MISP: variants seen among roughly 807,000 people sequenced by gnomAD.
MISP encodes mitotic spindle positioning, also known as mitotic interactor and substrate of PLK1.
In MISP, 51 loss-of-function variants were observed where a neutral mutation model predicts 49.3. The observed-to-expected ratio is 1.03, with a 90% CI of 0.83 to 1.31. The LOEUF (loss-of-function observed/expected upper bound fraction) is 1.31. Ranked by LOEUF, MISP falls within the 50% of genes most tolerant of loss-of-function variation. The pLI, the probability that MISP is intolerant of heterozygous loss-of-function variation, is 0.00. For synonymous variants in MISP, 444 were observed against 392.6 expected, an observed-to-expected ratio of 1.13 and a Z score of -1.55; for missense variants, 1,084 against 935.1, an observed-to-expected ratio of 1.16 and a Z score of -2.08.
upstream of MISP, among the ~76,000 whole-genome samples, chr19:750,884 C>A (rs2033450120): frequency 6.6e-6 from 1 of 152,190 alleles, no homozygotes; most frequent in Admixed American, 6.5e-5. Context: ...GAGGTTTCGG[C>A]TGAGTTCTGG....
In MISP at chr19:757,582, T is replaced by A; in HGVS notation, c.636T>A (p.His212Gln). 6.2e-7 allele frequency: 1 copy of A among 1,612,684 alleles called. No individual in the cohort carries two copies. The highest frequency in any genetic ancestry group is 8.5e-7 in the Non-Finnish European group (1 of 1,179,624). The stretch of plus-strand genomic sequence containing the variant: ...AGCAGGCGAACAAGGGGGCCCCTCA[T>A]AGCTCCCCGGCCAGGGGGACCCCTG... ...SLEQANKGAPHSSPARGTPAG... is the reference protein window; with the variant it reads ...SLEQANKGAPQSSPARGTPAG... Residue 212 changes from histidine (H) to glutamine (Q), a missense_variant, in exon 2 of 5, where the codon CAT (histidine) becomes CAA (glutamine). By Grantham distance (24) the His-to-Gln change is conservative. Coordinates refer to ENST00000215582, the MANE Select transcript of MISP (RefSeq NM_173481.4).
At chr19:759,787 C>A in intron 2 of MISP, 122 bp from the exon 3 acceptor site, 1 of 1,147,614 alleles carries the variant, frequency 8.7e-7, no homozygotes, top group Non-Finnish European at 1.2e-6. Context: ...GTCAGTTTCC[C>A]GGATAGTCAT....
chr19:756,882 TC>T lies in MISP; in HGVS notation c.-57-5del. The T allele has an allele frequency of 7.4e-7, 1 of 1,354,862 alleles. No individual in the cohort carries two copies. The highest frequency in any genetic ancestry group is 9.9e-7 in the Non-Finnish European group (1 of 1,010,116). 83.9% of individuals were successfully genotyped at this position (1,354,862 alleles called of 1,614,324 possible). A position where few individuals can be genotyped will look rare whatever the true frequency, so the allele number is the denominator to read the frequency against. On this transcript the variant is annotated splice_region_variant and splice_polypyrimidine_tract_variant and intron_variant, in intron 1 of 4. Coordinates refer to ENST00000215582, the MANE Select transcript of MISP (RefSeq NM_173481.4). The stretch of plus-strand genomic sequence containing the variant: ...CTTGATGGCCCTCATTTCCTTCTCC[TC>T]CCTCAGTAAGCCCAGAGGTCTCCAC...
At position 757,840 on chromosome 19, in the gene MISP, T is replaced by A. The variant is rs1202703430; in HGVS notation, c.894T>A (p.Arg298=). 1 of 1,611,374 alleles carries A rather than the reference T, an allele frequency of 6.2e-7. No homozygotes were observed. Among genetic ancestry groups the A allele is most frequent in the African/African-American group, 1.3e-5 (1 of 74,788 alleles). The change falls in exon 2 of 5, where the codon CGT becomes CGA. Residue 298 remains arginine (R), a synonymous_variant. Coordinates refer to ENST00000215582, the MANE Select transcript of MISP (RefSeq NM_173481.4). ...PKETPIEREI[R]LAQEREADLR... ...AGACGCCCATCGAGCGGGAGATCCG[T>A]CTGGCTCAGGAGCGTGAGGCAGACC...
rs375797268 is a variant in MISP at position 760,162 on chromosome 19, C to T, written c.1911+123C>T. On this transcript the variant is annotated intron_variant, in intron 3 of 4. Transcript: ENST00000215582. ...TTCAAGCACTACCCCCACCCCTGGC[C>T]GTGCCTCAGTCTCCTGCAGATGTCA... 94 of 1,104,996 alleles carry T rather than the reference C, an allele frequency of 8.5e-5. 3 individuals carry two copies. In the East Asian group the frequency reaches 8.9e-4, roughly 10 times the overall value. 68.4% of individuals were successfully genotyped at this position (1,104,996 alleles called of 1,614,324 possible).
chr19:749,453 C>T (rs974623481), upstream of MISP, among the ~76,000 whole-genome samples: 16 of 152,226 alleles, frequency 1.1e-4, no homozygotes, highest in African/African-American at 2.7e-4. Context: ...GCCGTGAGGC[C>T]GCGCACCCTG....
intron 1 of MISP, among the ~76,000 whole-genome samples, chr19:755,399 G>T (rs2033534744): frequency 6.6e-6 from 1 of 152,210 alleles, no homozygotes; most frequent in Admixed American, 6.5e-5. Flanking sequence ...GATGGGACGA[G>T]GTGTCCAGCT....
upstream of MISP, among the ~76,000 whole-genome samples, chr19:750,047 C>T (rs1037162495): frequency 6.6e-6 from 1 of 152,112 alleles, no homozygotes; most frequent in East Asian, 1.9e-4. Flanking sequence ...GGCCCGACTT[C>T]CCCACAGATG....
chr19:761,803 G>A, intron 4 of MISP, 140 bp downstream of exon 4: 1 of 912,712 alleles, frequency 1.1e-6, no homozygotes, highest in South Asian at 1.5e-5. Flanking sequence ...GTCTGCTCAG[G>A]GTGGATTTTG....
At position 759,912 on chromosome 19, in the gene MISP, T is replaced by C; in HGVS notation, c.1784T>C (p.Ile595Thr). 1 of 1,614,020 alleles carries C rather than the reference T, an allele frequency of 6.2e-7. No individual in the cohort carries two copies. Among genetic ancestry groups the C allele is most frequent in the South Asian group, 1.1e-5 (1 of 91,084 alleles). ...TGCCCTCCCTGCTCCCCTACAGGCA[T>C]CACGGGCAGTTACTCGGTGTCTGAG... ...NSRSSSQASG[I>T]TGSYSVSESP... Residue 595 changes from isoleucine (I) to threonine (T), a missense_variant, in exon 3 of 5, where the codon ATC (isoleucine) becomes ACC (threonine). Coordinates refer to ENST00000215582, the MANE Select transcript of MISP (RefSeq NM_173481.4).
At chr19:750,496 G>A (rs954332535), upstream of MISP, among the ~76,000 whole-genome samples, 5 of 152,162 alleles carry the variant, frequency 3.3e-5, no homozygotes, top group Non-Finnish European at 4.4e-5. Flanking sequence ...CACCAAGTCC[G>A]GCCCCCTCGT....
In MISP at chr19:758,114, C is replaced by G; in HGVS notation, c.1168C>G (p.Arg390Gly). Residue 390 changes from arginine (R) to glycine (G), a missense_variant, in exon 2 of 5, where the codon CGG (arginine) becomes GGG (glycine). Arg to Gly is a moderately radical substitution (Grantham distance 125). Coordinates refer to ENST00000215582, the MANE Select transcript of MISP (RefSeq NM_173481.4). ...WVSEGPQPGL[R>G]RALSSDSILS... Reference sequence around the variant, plus strand: ...CTCGGAGGGTCCCCAGCCCGGACTCCGGAGAGCCCTCAGCTCAGATTCCAT... The same window carrying G: ...CTCGGAGGGTCCCCAGCCCGGACTCGGGAGAGCCCTCAGCTCAGATTCCAT... 5 of 1,603,100 alleles carry G rather than the reference C, an allele frequency of 3.1e-6. No individual in the cohort carries two copies. In the South Asian group the frequency reaches 3.3e-5, roughly 11 times the overall value.
chr19:750,425 C>T (rs1171128180), upstream of MISP, among the ~76,000 whole-genome samples: 2 of 152,142 alleles, frequency 1.3e-5, no homozygotes, highest in South Asian at 2.1e-4. Flanking sequence ...GTCTCGAACT[C>T]CTGGCCTCAA....
chr19:757,632 A>G lies in MISP; in HGVS notation c.686A>G (p.Gln229Arg). ...GCAGGCACAACCCCAGGGGCCAGCC[A>G]GGCCCCCAAGGCCTTCAACAAGCCC... ...TPAGTTPGAS[Q>R]APKAFNKPHL... Residue 229 changes from glutamine to arginine, a missense_variant, in exon 2 of 5, where the codon CAG becomes CGG. Gln to Arg is a conservative substitution (Grantham distance 43). Transcript: ENST00000215582. 1 of 1,612,534 alleles carries G rather than the reference A, an allele frequency of 6.2e-7. No homozygotes were observed. Among genetic ancestry groups the G allele is most frequent in the East Asian group, 2.2e-5 (1 of 44,848 alleles).
At chr19:751,497 T>G (rs1313360382) in intron 1 of MISP, among the ~76,000 whole-genome samples, 1 of 152,122 alleles carries the variant, frequency 6.6e-6, no homozygotes, top group African/African-American at 2.4e-5. Flanking sequence ...ACCCCCATGG[T>G]CAGAGGCCAG....
At chr19:758,794 G>A in intron 2 of MISP, 68 bp downstream of exon 2, 1 of 1,402,880 alleles carries the variant, frequency 7.1e-7, no homozygotes, top group Non-Finnish European at 9.8e-7. Context: ...GGGAGGGTGG[G>A]GAGGTGGAGT....
At position 761,642 on chromosome 19, in the gene MISP, C is replaced by T. The variant is rs757434026; in HGVS notation, c.1929C>T (p.Pro643=). ...TCCTGTAGTACGCTGGCATCAACCC[C>T]TCGGACGGTATCAACTCAGAGGTGA... ...KKEQWYAGIN[P]SDGINSEVLE... is the part of the protein sequence containing the mutation. The change falls in exon 4 of 5, where the codon CCC becomes CCT. Residue 643 remains proline (P), a synonymous_variant. Coordinates refer to ENST00000215582, the MANE Select transcript of MISP (RefSeq NM_173481.4). 3.1e-6 allele frequency: 5 copies of T among 1,614,134 alleles called. No individual in the cohort carries two copies. Among genetic ancestry groups the T allele is most frequent in the Non-Finnish European group, 4.2e-6 (5 of 1,180,018 alleles).
At position 763,961 on chromosome 19, in the gene MISP, A is replaced by T. The variant is rs1307117698; in HGVS notation, c.*371A>T. ...CTGAGGGCAGAGGGACCGGTCAAAG[A>T]GGGTGGCACAGATCGCAGCACCTTG... On this transcript the variant is annotated 3_prime_UTR_variant, in exon 5 of 5. Transcript: ENST00000215582. The T allele has an allele frequency of 4.9e-6, 1 of 203,648 alleles. No homozygotes were observed. The highest frequency in any genetic ancestry group is 1.0e-5 in the Non-Finnish European group (1 of 99,190). 12.6% of individuals were successfully genotyped at this position (203,648 alleles called of 1,614,324 possible).
At chr19:748,579 G>C (rs1219033035), upstream of MISP, among the ~76,000 whole-genome samples, 1 of 152,168 alleles carries the variant, frequency 6.6e-6, no homozygotes, top group Non-Finnish European at 1.5e-5. Flanking sequence ...GGGGCCCTCG[G>C]GTTCTGCGGC....
Sources: gnomAD v4.1 joint callset for allele counts (sites outside exome capture counted in the v4.1 genomes callset) on GRCh38, gnomAD v4.1.1 for gene constraint, MANE v1.5 for transcripts, NCBI Gene and HGNC (gene_info 2026-07-23, HGNC 2026-07-21) for gene names.